DNM1L: variants seen among roughly 807,000 people sequenced by gnomAD.
DNM1L encodes the protein dynamin 1L, also known as dynamin-1-like protein.
DNM1L carries 33 observed loss-of-function variants against 92.8 expected under a neutral mutation model. The observed-to-expected ratio is 0.36, with a 90% CI of 0.27 to 0.48. The LOEUF (loss-of-function observed/expected upper bound fraction) is 0.48, where lower values mean the gene tolerates loss of function less well. Among genes scored for constraint, DNM1L ranks in the 20% least tolerant of loss-of-function variants. DNM1L has a pLI of 0.99. For synonymous variants in DNM1L, 284 were observed against 305.0 expected, an observed-to-expected ratio of 0.93 and a Z score of 0.72; for missense variants, 485 against 888.8, an observed-to-expected ratio of 0.55 and a Z score of 5.78.
chr12:32,744,713 CAAAA>C lies in DNM1L; in HGVS notation c.*1312_*1315del, dbSNP rs370524523. 9.8e-6 allele frequency: 3 copies of C among 305,802 alleles called. No individual in the cohort carries two copies. The highest frequency in any genetic ancestry group is 1.9e-5 in the Non-Finnish European group (3 of 160,356). The allele number at this position is 305,802 out of a possible 1,614,324, so 18.9% of individuals were successfully genotyped here. A position where few individuals can be genotyped will look rare whatever the true frequency, so the allele number is the denominator to read the frequency against. On this transcript the variant is annotated 3_prime_UTR_variant, in exon 20 of 20. Transcript: ENST00000549701. ...TGGCAACAAGAGCGAAACTCCGTCT[CAAAA>C]AAAAAAAATAAAACAACACCCAGAT...
chr12:32,723,562 T>C (rs1400113295), intron 9 of DNM1L, among the ~76,000 whole-genome samples: 1 of 151,498 alleles, frequency 6.6e-6, no homozygotes, highest in Non-Finnish European at 1.5e-5. Context: ...GGCGTGGTGG[T>C]GGGCAGCTGT....
At position 32,732,927 on chromosome 12, in the gene DNM1L, T is replaced by C. The variant is rs577686283; in HGVS notation, c.1447-788T>C. On this transcript the variant is annotated intron_variant, in intron 12 of 19. Transcript: ENST00000549701. Reference sequence around the variant, plus strand: ...GCCTGACCAACATGGAGAAACCCCCTCTCTACTAAAAATACAAAATTAGCC... The same window carrying C: ...GCCTGACCAACATGGAGAAACCCCCCCTCTACTAAAAATACAAAATTAGCC... 1.2e-4 allele frequency among the ~76,000 whole-genome samples: 19 copies of C among 152,196 alleles called. No homozygotes were observed. In the East Asian group the frequency reaches 2.3e-3, roughly 19 times the overall value.
chr12:32,718,790 TG>T, intron 7 of DNM1L, 27 bp downstream of exon 7: 1 of 1,612,302 alleles, frequency 6.2e-7, no homozygotes, highest in Non-Finnish European at 8.5e-7. Context: ...GGATAAGAAT[TG>T]GGATAAGCAT....
At chr12:32,724,937 A>T (rs1010399934) in intron 9 of DNM1L, among the ~76,000 whole-genome samples, 4 of 152,020 alleles carry the variant, frequency 2.6e-5, no homozygotes, top group African/African-American at 9.7e-5. Flanking sequence ...AAACAGAAGC[A>T]TGGGTAAGTG....
At position 32,726,826 on chromosome 12, in the gene DNM1L, C is replaced by G; in HGVS notation, c.1080-4188C>G. 5 of 625,202 alleles carry G rather than the reference C, an allele frequency of 8.0e-6. No individual in the cohort carries two copies. In the South Asian group the frequency reaches 9.8e-5, roughly 12 times the overall value. The allele number at this position is 625,202 out of a possible 1,614,324, so 38.7% of individuals were successfully genotyped here. On this transcript the variant is annotated intron_variant, in intron 9 of 19. Coordinates refer to ENST00000549701, the MANE Select transcript of DNM1L (RefSeq NM_012062.5). ...TCTTGTCCATCAAAGGAAAAGTGAT[C>G]AGAATCATCTGGTTCTGGTTCTAAC...
chr12:32,740,551 A>C lies in DNM1L; in HGVS notation c.1994+33A>C, dbSNP rs377205488. ...TTACTTAATATAAATGACGGACTTT[A>C]ATACTTCTGGATGATTCTGTGATCT... is the stretch of plus-strand genomic sequence containing the variant. On this transcript the variant is annotated intron_variant, in intron 18 of 19. Coordinates refer to ENST00000549701, the MANE Select transcript of DNM1L (RefSeq NM_012062.5). The C allele has an allele frequency of 7.8e-6, 12 of 1,535,190 alleles. No individual in the cohort carries two copies. The African/African-American group carries it at 1.5e-4, about 19-fold the overall frequency.
rs764832100 is a variant in DNM1L at position 32,722,415 on chromosome 12, A to G, written c.873-12A>G. 6.2e-7 allele frequency: 1 copy of G among 1,609,978 alleles called. No individual in the cohort carries two copies. The highest frequency in any genetic ancestry group is 8.5e-7 in the Non-Finnish European group (1 of 1,178,520). ...TTTTACTTTTAAATCCTTCCTTTCT[A>G]ACCTTTTTTAGGTTACTGATGCATC... is the stretch of plus-strand genomic sequence containing the variant. On this transcript the variant is annotated splice_polypyrimidine_tract_variant and intron_variant, in intron 8 of 19. Transcript: ENST00000549701.
intron 1 of DNM1L, among the ~76,000 whole-genome samples, chr12:32,695,381 A>G (rs1446505054): frequency 6.6e-6 from 1 of 152,214 alleles, no homozygotes; most frequent in African/African-American, 2.4e-5. Context: ...TATTAAGACA[A>G]AAGGCAAGAC....
chr12:32,688,000 C>T (rs575508432), intron 1 of DNM1L, among the ~76,000 whole-genome samples: 17 of 152,252 alleles, frequency 1.1e-4, no homozygotes, highest in African/African-American at 2.4e-4. Flanking sequence ...TCTCGTTTCA[C>T]TTGCAGCCTC....
chr12:32,727,204 CAG>C, intron 9 of DNM1L: 1 of 1,145,008 alleles, frequency 8.7e-7, no homozygotes, highest in South Asian at 1.3e-5. Flanking sequence ...TTAGTAATCT[CAG>C]ATTGCTTATC....
At chr12:32,728,967 A>G (rs1379128721) in intron 9 of DNM1L, 1 of 148,832 alleles carries the variant, frequency 6.7e-6, no homozygotes, top group African/African-American at 2.5e-5. Flanking sequence ...TTTATTTTTT[A>G]TTTTTATTAG....
At chr12:32,740,368 T>C (rs773576461) in intron 17 of DNM1L, 41 bp from the exon 18 acceptor site, 3 of 1,609,328 alleles carry the variant, frequency 1.9e-6, no homozygotes, top group South Asian at 2.2e-5. Flanking sequence ...GCCATTTTAG[T>C]GTCACAAAAG....
At chr12:32,717,986 G>T (rs571140983) in intron 6 of DNM1L, among the ~76,000 whole-genome samples, 4 of 79,688 alleles carry the variant, frequency 5.0e-5, no homozygotes, top group South Asian at 6.4e-4. Flanking sequence ...AGTATATATA[G>T]TATGTATAGT....
Position 32,731,302 on chromosome 12 carries a change from T to C in DNM1L, c.1201-54T>C. On this transcript the variant is annotated intron_variant, in intron 10 of 19. Transcript: ENST00000549701. The surrounding 1 kb of genome is among the most constrained non-coding windows in gnomAD (Gnocchi z 5.1). ...CCAAAAATGTGACTTTCTTAACCCTTGGGAAGAACTGAAATTACATATATA... is the reference window on the plus strand; with the variant it reads ...CCAAAAATGTGACTTTCTTAACCCTCGGGAAGAACTGAAATTACATATATA... 1.2e-6 allele frequency: 2 copies of C among 1,609,956 alleles called. No homozygotes were observed. Among genetic ancestry groups the C allele is most frequent in the East Asian group, 2.2e-5 (1 of 44,858 alleles).
At chr12:32,682,336 T>TG (rs1360633690) in intron 1 of DNM1L, among the ~76,000 whole-genome samples, 19 of 152,158 alleles carry the variant, frequency 1.2e-4, no homozygotes, top group African/African-American at 4.8e-5. Flanking sequence ...TTCTCCATGT[T>TG]GGTCAGGCTG....
At chr12:32,687,089 T>C (rs1048002845) in intron 1 of DNM1L, among the ~76,000 whole-genome samples, 1 of 151,994 alleles carries the variant, frequency 6.6e-6, no homozygotes, top group Non-Finnish European at 1.5e-5. Context: ...CCTTGTCTTT[T>C]TGCTTCCTTG....
chr12:32,703,874 A>C (rs1220229223), intron 2 of DNM1L, among the ~76,000 whole-genome samples: 1 of 152,218 alleles, frequency 6.6e-6, no homozygotes, highest in Non-Finnish European at 1.5e-5. Context: ...TCATTCTGTC[A>C]ACTGTGGGAT....
chr12:32,697,626 A>AT (rs1565497404), intron 1 of DNM1L, among the ~76,000 whole-genome samples: 1 of 152,164 alleles, frequency 6.6e-6, no homozygotes, highest in East Asian at 1.9e-4. Flanking sequence ...AAGAAAGAAG[A>AT]TAGAGATGAC....
rs1431957160 is a variant in DNM1L at position 32,717,945 on chromosome 12, ATATAG to A, written c.620-693_620-689del. ...AGTATATATTTTATATATATATAAA[ATATAG>A]TATATATAGTATATATATTATATAT... On this transcript the variant is annotated intron_variant, in intron 6 of 19. Coordinates refer to ENST00000549701, the MANE Select transcript of DNM1L (RefSeq NM_012062.5). 1.6e-4 allele frequency among the ~76,000 whole-genome samples: 15 copies of A among 95,228 alleles called. No homozygotes were observed. The South Asian group carries it at 1.6e-3, about 10-fold the overall frequency. 62.5% of individuals were successfully genotyped at this position (95,228 alleles called of 152,430 possible).
Sources: allele counts gnomAD v4.1 joint callset (sites outside exome capture counted in the v4.1 genomes callset), GRCh38; gene constraint gnomAD v4.1.1; non-coding constraint Gnocchi (gnomAD v3.1); transcripts MANE v1.5; gene names NCBI Gene and HGNC (gene_info 2026-07-23, HGNC 2026-07-21).